GFRAL: variants seen among roughly 807,000 people sequenced by gnomAD.
GFRAL encodes the protein GDNF family receptor alpha like, also known as GDNF family receptor alpha-like.
GFRAL carries 36 observed loss-of-function variants against 45.4 expected under a neutral mutation model. The observed-to-expected ratio is 0.79, with a 90% confidence interval of 0.61 to 1.05. The LOEUF is 1.05. Among genes scored for constraint, GFRAL ranks in the 50% least tolerant of loss-of-function variants. The pLI, the probability that GFRAL is intolerant of heterozygous loss-of-function variation, is 0.00. For missense variants in GFRAL, 507 were observed against 467.5 expected (o/e 1.08, Z -0.78); for synonymous variants, 166 against 154.1 (o/e 1.08, Z -0.57).
chr6:55,390,865 G>A (rs1052574250), intron 6 of GFRAL, among the ~76,000 whole-genome samples: 1 of 147,690 alleles, frequency 6.8e-6, no homozygotes, highest in Admixed American at 6.9e-5. Context: ...TCCAGCCTCG[G>A]CGACAGAGCG....
At chr6:55,331,971 C>G in intron 2 of GFRAL, 122 bp downstream of exon 2, 1 of 834,658 alleles carries the variant, frequency 1.2e-6, no homozygotes, top group South Asian at 1.8e-5. Flanking sequence ...TTAATCTTGA[C>G]CCCCATCGAT....
At chr6:55,374,399 A>G (rs776113948) in intron 6 of GFRAL, among the ~76,000 whole-genome samples, 8 of 151,906 alleles carry the variant, frequency 5.3e-5, no homozygotes, top group East Asian at 3.9e-4. Context: ...GCTTTTTTTC[A>G]TATGTTTGTT....
At chr6:55,351,880 C>T (rs186174071) in intron 5 of GFRAL, among the ~76,000 whole-genome samples, 11 of 151,848 alleles carry the variant, frequency 7.2e-5, no homozygotes, top group Non-Finnish European at 7.4e-5. Flanking sequence ...GTTAATAGAC[C>T]TGACTTACAT....
intron 5 of GFRAL, 83 bp downstream of exon 5, chr6:55,351,666 A>G (rs926085544): frequency 1.1e-5 from 10 of 944,562 alleles, no homozygotes; most frequent in Non-Finnish European, 1.6e-5. Flanking sequence ...ATCTCATAAC[A>G]TTAGCTAGAG....
intron 3 of GFRAL, among the ~76,000 whole-genome samples, chr6:55,337,214 G>A (rs961224695): frequency 3.3e-5 from 5 of 152,014 alleles, no homozygotes; most frequent in East Asian, 1.9e-4. Context: ...TTTATATGGC[G>A]AAATTCATTA....
intron 6 of GFRAL, among the ~76,000 whole-genome samples, chr6:55,374,098 C>G (rs559531081): frequency 6.6e-6 from 1 of 152,286 alleles, no homozygotes; most frequent in South Asian, 2.1e-4. Context: ...TTTATGGCTG[C>G]ATAGTATCCC....
At chr6:55,388,884 A>G (rs947977770) in intron 6 of GFRAL, among the ~76,000 whole-genome samples, 8 of 152,146 alleles carry the variant, frequency 5.3e-5, no homozygotes, top group African/African-American at 1.9e-4. Flanking sequence ...CGTAAGAAAC[A>G]TAACTCCCCA....
intron 6 of GFRAL, among the ~76,000 whole-genome samples, chr6:55,367,676 T>G (rs866809626): frequency 0.06 from 8,670 of 145,020 alleles, 358 homozygotes; most frequent in African/African-American, 0.11. Flanking sequence ...GTCTGTAAAG[T>G]ATTTTATTTC....
chr6:55,336,507 A>G (rs180689628), intron 3 of GFRAL, among the ~76,000 whole-genome samples: 2 of 152,322 alleles, frequency 1.3e-5, no homozygotes, highest in East Asian at 3.9e-4. Flanking sequence ...GCTGTTACAA[A>G]TGGTAATTTA....
intron 3 of GFRAL, among the ~76,000 whole-genome samples, chr6:55,344,970 A>T (rs1031197634): frequency 6.6e-6 from 1 of 152,224 alleles, no homozygotes; most frequent in Admixed American, 6.5e-5. Context: ...AATACTTAGG[A>T]ATCCAACTTA....
Position 55,350,079 on chromosome 6 carries a change from GTTT to G in GFRAL, c.317-11_317-9del, listed in dbSNP as rs1475398918. On this transcript the variant is annotated splice_polypyrimidine_tract_variant and intron_variant, in intron 3 of 8. Transcript: ENST00000340465. ...TGTTCAATAATGAAATAATTTCTTT[GTTT>G]TCCTTCTAGATAACGTGAAAGAGGA... 1 of 1,450,448 alleles carries G rather than the reference GTTT, an allele frequency of 6.9e-7. No homozygotes were observed. Among genetic ancestry groups the G allele is most frequent in the East Asian group, 2.3e-5 (1 of 44,022 alleles). The allele number at this position is 1,450,448 out of a possible 1,614,324, so 89.8% of individuals were successfully genotyped here.
chr6:55,390,630 C>T (rs1016910115), intron 6 of GFRAL, among the ~76,000 whole-genome samples: 1 of 152,140 alleles, frequency 6.6e-6, no homozygotes, highest in Non-Finnish European at 1.5e-5. Context: ...TGGCTCACAC[C>T]TGTAATCCCA....
chr6:55,373,813 G>A (rs1191869913), intron 6 of GFRAL, among the ~76,000 whole-genome samples: 1 of 151,770 alleles, frequency 6.6e-6, no homozygotes, highest in African/African-American at 2.4e-5. Context: ...GTAAATGCAT[G>A]CCATAGTGGT....
intron 1 of GFRAL, among the ~76,000 whole-genome samples, chr6:55,328,954 T>A (rs1767798105): frequency 6.6e-6 from 1 of 152,064 alleles, no homozygotes; most frequent in Non-Finnish European, 1.5e-5. Context: ...TGGAAAACAA[T>A]GAATTTTAAA....
At chr6:55,396,183 A>G (rs1284393016) in intron 6 of GFRAL, among the ~76,000 whole-genome samples, 1 of 152,176 alleles carries the variant, frequency 6.6e-6, no homozygotes, top group Non-Finnish European at 1.5e-5. Flanking sequence ...CTAGGGTGCA[A>G]TATTTAAGAT....
At chr6:55,379,534 A>C (rs186586960) in intron 6 of GFRAL, among the ~76,000 whole-genome samples, 18 of 151,362 alleles carry the variant, frequency 1.2e-4, no homozygotes, top group Admixed American at 4.0e-4. Flanking sequence ...TTGATATAAA[A>C]ATTATATGTA....
At chr6:55,339,745 G>T (rs1767938129) in intron 3 of GFRAL, among the ~76,000 whole-genome samples, 1 of 152,146 alleles carries the variant, frequency 6.6e-6, no homozygotes, top group African/African-American at 2.4e-5. Context: ...TGAAATGTTA[G>T]CATGCTGAAA....
intron 3 of GFRAL, among the ~76,000 whole-genome samples, chr6:55,336,250 T>C (rs892281544): frequency 6.6e-6 from 1 of 152,212 alleles, no homozygotes; most frequent in African/African-American, 2.4e-5. Flanking sequence ...GGCCACTTCT[T>C]TGTCTTTCCA....
intron 5 of GFRAL, among the ~76,000 whole-genome samples, chr6:55,352,682 T>C (rs1448213228): frequency 1.3e-5 from 2 of 151,948 alleles, no homozygotes; most frequent in Non-Finnish European, 2.9e-5. Context: ...TAAGATGGAG[T>C]CTTTTTTGGA....
Sources: allele counts gnomAD v4.1 joint callset (sites outside exome capture counted in the v4.1 genomes callset), GRCh38; gene constraint gnomAD v4.1.1; transcripts MANE v1.5; gene names NCBI Gene and HGNC (gene_info 2026-07-23, HGNC 2026-07-21).